Variants in CPNE8 observed in about 807,000 individuals in gnomAD.
The protein encoded by CPNE8 is copine-8.
CPNE8 carries 45 observed loss-of-function variants against 81.5 expected under a neutral mutation model. That is an observed-to-expected ratio of 0.55 (90% CI 0.44 to 0.71). The LOEUF (loss-of-function observed/expected upper bound fraction) is 0.71, where lower values mean the gene tolerates loss of function less well. Among genes scored for constraint, CPNE8 ranks in the 30% least tolerant of loss-of-function variants. CPNE8 has a pLI of 0.00. For synonymous variants in CPNE8, 252 were observed against 226.3 expected (o/e 1.11, Z -1.02); for missense variants, 594 against 672.1 (o/e 0.88, Z 1.28).
At chr12:38,701,092 G>A (rs1034419506) in intron 14 of CPNE8, among the ~76,000 whole-genome samples, 21 of 152,090 alleles carry the variant, frequency 1.4e-4, no homozygotes, top group African/African-American at 4.6e-4. Context: ...TACTTTGTTT[G>A]GGTGTGTAAT....
chr12:38,772,737 G>A (rs948252396), intron 7 of CPNE8, among the ~76,000 whole-genome samples: 2 of 152,126 alleles, frequency 1.3e-5, no homozygotes, highest in East Asian at 1.9e-4. Context: ...CAGCACTACT[G>A]TATGATCCAG....
intron 6 of CPNE8, among the ~76,000 whole-genome samples, chr12:38,797,136 A>G (rs2136945838): frequency 6.6e-6 from 1 of 152,354 alleles, no homozygotes; most frequent in Middle Eastern, 3.4e-3. Flanking sequence ...ACAAACAAAA[A>G]GACAGCAGTA....
At chr12:38,859,865 T>C (rs1446766890) in intron 3 of CPNE8, among the ~76,000 whole-genome samples, 2 of 152,000 alleles carry the variant, frequency 1.3e-5, no homozygotes, top group Non-Finnish European at 2.9e-5. Context: ...CATATACAAA[T>C]AAATGAAACT....
intron 4 of CPNE8, among the ~76,000 whole-genome samples, chr12:38,844,488 G>A (rs1943521226): frequency 1.3e-5 from 2 of 152,098 alleles, no homozygotes; most frequent in African/African-American, 4.8e-5. Flanking sequence ...TACATAGCAT[G>A]ATGAAAGAAA....
At chr12:38,806,948 A>G (rs1942822365) in intron 6 of CPNE8, among the ~76,000 whole-genome samples, 1 of 150,264 alleles carries the variant, frequency 6.7e-6, no homozygotes, top group Non-Finnish European at 1.5e-5. Context: ...GCATTCTTAC[A>G]CACCAACAAC....
intron 5 of CPNE8, 104 bp downstream of exon 5, chr12:38,839,812 T>C (rs1943439875): frequency 9.6e-7 from 1 of 1,041,254 alleles, no homozygotes; most frequent in African/African-American, 1.7e-5. Context: ...GACAATCACG[T>C]TACATGAATA....
chr12:38,826,440 G>A (rs1200150043), intron 6 of CPNE8, among the ~76,000 whole-genome samples: 2 of 152,144 alleles, frequency 1.3e-5, no homozygotes, highest in African/African-American at 2.4e-5. Flanking sequence ...TACACTATAT[G>A]AAATATGTGT....
At chr12:38,784,407 G>A (rs1318472099) in intron 6 of CPNE8, among the ~76,000 whole-genome samples, 1 of 152,082 alleles carries the variant, frequency 6.6e-6, no homozygotes, top group Admixed American at 6.5e-5. Context: ...AAAAGCTACT[G>A]GCCTTTTAAA....
chr12:38,793,023 A>C (rs376838076), intron 6 of CPNE8, among the ~76,000 whole-genome samples: 13 of 151,930 alleles, frequency 8.6e-5, no homozygotes, highest in African/African-American at 2.9e-4. Context: ...AGCATTTGAC[A>C]AAATTCCAGT....
intron 6 of CPNE8, among the ~76,000 whole-genome samples, chr12:38,783,896 G>A (rs114359184): frequency 0.013 from 1,974 of 152,200 alleles, 49 homozygotes; most frequent in African/African-American, 0.044. Context: ...CAAGAAGAAT[G>A]GGTACCAACA....
intron 16 of CPNE8, among the ~76,000 whole-genome samples, chr12:38,682,914 G>A (rs1160333980): frequency 6.6e-6 from 1 of 152,106 alleles, no homozygotes; most frequent in East Asian, 1.9e-4. Context: ...TTATGACAAG[G>A]CATCAACAGA....
At chr12:38,803,529 T>C (rs1458295064) in intron 6 of CPNE8, among the ~76,000 whole-genome samples, 2 of 143,272 alleles carry the variant, frequency 1.4e-5, no homozygotes, top group Non-Finnish European at 3.1e-5. Flanking sequence ...GAGCTATCTA[T>C]GACAAACCCA....
chr12:38,790,814 T>G (rs943735691), intron 6 of CPNE8, among the ~76,000 whole-genome samples: 2 of 151,738 alleles, frequency 1.3e-5, no homozygotes, highest in African/African-American at 4.8e-5. Flanking sequence ...TAAATGACCT[T>G]TGAGAGACTG....
At chr12:38,807,295 T>A (rs1212352513) in intron 6 of CPNE8, among the ~76,000 whole-genome samples, 1 of 146,960 alleles carries the variant, frequency 6.8e-6, no homozygotes, top group Non-Finnish European at 1.5e-5. Flanking sequence ...CATCGCCAAG[T>A]CAATCCTAAG....
chr12:38,829,596 A>G (rs1332221535), intron 5 of CPNE8, 141 bp from the exon 6 acceptor site: 7 of 612,468 alleles, frequency 1.1e-5, no homozygotes, highest in African/African-American at 1.8e-5. Context: ...AATAAGCTCA[A>G]TATGCATTAA....
intron 4 of CPNE8, among the ~76,000 whole-genome samples, chr12:38,841,535 A>G (rs1943467726): frequency 6.6e-6 from 1 of 152,162 alleles, no homozygotes; most frequent in South Asian, 2.1e-4. Flanking sequence ...GCCAGTAAGT[A>G]GTTATTTGGG....
intron 7 of CPNE8, among the ~76,000 whole-genome samples, chr12:38,773,402 G>A (rs1050861618): frequency 2.0e-5 from 3 of 151,992 alleles, no homozygotes; most frequent in African/African-American, 7.2e-5. Context: ...TGTGGTGATG[G>A]TTTCATGGGT....
At chr12:38,706,889 A>C (rs1285542803) in intron 13 of CPNE8, among the ~76,000 whole-genome samples, 1 of 152,232 alleles carries the variant, frequency 6.6e-6, no homozygotes, top group Non-Finnish European at 1.5e-5. Flanking sequence ...TCCTAGAAGC[A>C]CTGGTTGCAG....
At chr12:38,832,689 C>G (rs1276956899) in intron 5 of CPNE8, among the ~76,000 whole-genome samples, 1 of 151,578 alleles carries the variant, frequency 6.6e-6, no homozygotes, top group Non-Finnish European at 1.5e-5. Flanking sequence ...TTATGGCACT[C>G]TCAGCTAATG....
Sources: allele counts gnomAD v4.1 joint callset (sites outside exome capture counted in the v4.1 genomes callset), GRCh38; gene constraint gnomAD v4.1.1; transcripts MANE v1.5; gene names NCBI Gene and HGNC (gene_info 2026-07-23, HGNC 2026-07-21).